The following CHPT1 variants were observed in gnomAD, a reference collection of about 807,000 sequenced individuals.
CHPT1 encodes the protein cholinephosphotransferase 1.
A neutral mutation model predicts 47.6 loss-of-function variants in CHPT1; 36 were observed. The observed-to-expected ratio is 0.76, with a 90% CI of 0.58 to 1.00. CHPT1 has a LOEUF of 1.00. CHPT1 is among the 50% of genes least tolerant of loss of function. CHPT1 has a pLI of 0.00. For synonymous variants in CHPT1, 194 were observed against 186.3 expected (o/e 1.04, Z -0.33); for missense variants, 458 against 498.1 (o/e 0.92, Z 0.77).
At chr12:101,718,520 C>T (rs533051352) in intron 4 of CHPT1, among the ~76,000 whole-genome samples, 36 of 152,010 alleles carry the variant, frequency 2.4e-4, no homozygotes, top group Non-Finnish European at 4.6e-4. Flanking sequence ...TTTAGCCAGG[C>T]ATGGTGGCAT....
chr12:101,701,769 CAG>C (rs1210682322), intron 1 of CHPT1, among the ~76,000 whole-genome samples: 1 of 152,044 alleles, frequency 6.6e-6, no homozygotes, highest in Non-Finnish European at 1.5e-5. Context: ...TTGCATCAAA[CAG>C]ATGCAATTAT....
At chr12:101,722,136 T>C (rs1162115416) in intron 5 of CHPT1, among the ~76,000 whole-genome samples, 1 of 152,148 alleles carries the variant, frequency 6.6e-6, no homozygotes, top group African/African-American at 2.4e-5. Flanking sequence ...TAGGAAGTGG[T>C]TGGTTTCAAA....
intron 1 of CHPT1, among the ~76,000 whole-genome samples, chr12:101,709,003 A>G (rs1353261589): frequency 6.7e-6 from 1 of 149,060 alleles, no homozygotes; most frequent in African/African-American, 2.4e-5. Context: ...TCATAATCCA[A>G]GGGTGGCTTT....
rs1301760575 is a variant in CHPT1, at chr12:101,708,657, G to GAA, written c.274-5432_274-5431insAA. 6.5e-5 allele frequency among the ~76,000 whole-genome samples: 8 copies of GAA among 123,596 alleles called. 2 individuals are homozygous for GAA. The highest frequency in any genetic ancestry group is 2.5e-4 in the East Asian group (1 of 3,964). 81.1% of individuals were successfully genotyped at this position (123,596 alleles called of 152,430 possible). On this transcript the variant is annotated intron_variant, in intron 1 of 8. Transcript: ENST00000229266. ...GGGTCTCACTCTGTTGCCCCAGCTGGAGTGCAGTGGCTCACTTCAACCTCT... is the reference window on the plus strand; with the variant it reads ...GGGTCTCACTCTGTTGCCCCAGCTGGAAAGTGCAGTGGCTCACTTCAACCTCT...
intron 3 of CHPT1, among the ~76,000 whole-genome samples, chr12:101,716,402 T>G (rs944971219): frequency 1.2e-4 from 18 of 152,214 alleles, no homozygotes; most frequent in Non-Finnish European, 4.4e-5. Flanking sequence ...GGGTAATTAT[T>G]GTGAAAAAAC....
At chr12:101,718,308 A>G (rs1951794203) in intron 4 of CHPT1, among the ~76,000 whole-genome samples, 2 of 152,286 alleles carry the variant, frequency 1.3e-5, no homozygotes, top group South Asian at 4.2e-4. Flanking sequence ...TAGGTTCACC[A>G]GTTGTAACAA....
In CHPT1 at chr12:101,725,061, T is replaced by G. The variant is rs77265154; in HGVS notation, c.1065+1214T>G. On this transcript the variant is annotated intron_variant, in intron 7 of 8. Coordinates refer to ENST00000229266, the MANE Select transcript of CHPT1 (RefSeq NM_020244.3). ...CCCCAAAACCCTGCAGTGAATCTTTTGATAATTCAAATAATCTCACCGTAT... is the reference window on the plus strand; with the variant it reads ...CCCCAAAACCCTGCAGTGAATCTTTGGATAATTCAAATAATCTCACCGTAT... 9.8e-3 allele frequency among the ~76,000 whole-genome samples: 1,493 copies of G among 152,286 alleles called. 24 individuals are homozygous for G. Among genetic ancestry groups the G allele is most frequent in the African/African-American group, 0.034 (1,433 of 41,572 alleles).
chr12:101,716,869 T>A, intron 4 of CHPT1, 57 bp downstream of exon 4: 1 of 1,064,840 alleles, frequency 9.4e-7, no homozygotes. Context: ...TAGGAAAAAG[T>A]ATTGCATTGT....
At chr12:101,703,166 C>G (rs909913168) in intron 1 of CHPT1, among the ~76,000 whole-genome samples, 2 of 152,100 alleles carry the variant, frequency 1.3e-5, no homozygotes, top group Admixed American at 1.3e-4. Context: ...ACAACCAGAC[C>G]ACTTGGGTTT....
intron 5 of CHPT1, among the ~76,000 whole-genome samples, chr12:101,721,511 T>G (rs79513177): frequency 0.032 from 4,906 of 152,290 alleles, 111 homozygotes; most frequent in Non-Finnish European, 0.049. Flanking sequence ...TCCTCATAAT[T>G]GACAAATTGT....
Position 101,714,531 on chromosome 12 carries a change from C to A in CHPT1, c.449C>A (p.Ala150Asp), listed in dbSNP as rs1344081211. The change falls in exon 3 of 9, where the codon GCC (alanine) becomes GAC (aspartate). Residue 150 changes from alanine (A) to aspartate (D), a missense_variant. By Grantham distance (126) the Ala-to-Asp change is moderately radical (BLOSUM62 -2). Transcript: ENST00000229266. ...TTTATGGCAGTGGGAGCTTCAATTG[C>A]CGCTCGCTTAGGAACTTATCCTGAC... Reference protein sequence around the residue: ...TVFMAVGASIAARLGTYPDWF... With the variant: ...TVFMAVGASIDARLGTYPDWF... 1.9e-6 allele frequency: 3 copies of A among 1,606,788 alleles called. No individual in the cohort carries two copies. Among genetic ancestry groups the A allele is most frequent in the Non-Finnish European group, 1.7e-6 (2 of 1,177,750 alleles).
At chr12:101,724,886 AT>A (rs1159037524) in intron 7 of CHPT1, among the ~76,000 whole-genome samples, 2 of 151,930 alleles carry the variant, frequency 1.3e-5, no homozygotes, top group African/African-American at 4.8e-5. Flanking sequence ...GCATTATTAC[AT>A]TTTTTTTCTA....
intron 1 of CHPT1, among the ~76,000 whole-genome samples, chr12:101,701,382 ATAAC>A (rs1951552483): frequency 6.6e-6 from 1 of 152,196 alleles, no homozygotes; most frequent in Non-Finnish European, 1.5e-5. Context: ...GATAATGACA[ATAAC>A]TAACTTTTAC....
At position 101,726,580 on chromosome 12, in the gene CHPT1, GC is replaced by G. The variant is rs754411814; in HGVS notation, c.1176+181del. On this transcript the variant is annotated intron_variant, in intron 8 of 8. Transcript: ENST00000229266. ...CATTGTGTCTTATTTCAGTTATGAAGCCCCCATTGTATCATCATTTTTTATC... is the reference window on the plus strand; with the variant it reads ...CATTGTGTCTTATTTCAGTTATGAAGCCCCATTGTATCATCATTTTTTATC... 7.2e-5 allele frequency: 67 copies of G among 928,374 alleles called. No homozygotes were observed. In the Middle Eastern group the frequency reaches 1.2e-3, roughly 17 times the overall value. 57.5% of individuals were successfully genotyped at this position (928,374 alleles called of 1,614,324 possible).
intron 8 of CHPT1, chr12:101,728,389 A>G (rs550643904): frequency 6.5e-6 from 1 of 153,840 alleles, no homozygotes; most frequent in African/African-American, 2.4e-5. Flanking sequence ...TCACAAATCC[A>G]TGTCTTAAAA....
chr12:101,700,941 CAGAA>C (rs895287307), intron 1 of CHPT1, among the ~76,000 whole-genome samples: 2 of 152,040 alleles, frequency 1.3e-5, no homozygotes, highest in Non-Finnish European at 2.9e-5. Context: ...AGATTGCTTC[CAGAA>C]AGAGTCAGCA....
rs118156520 is a variant in CHPT1, at chr12:101,707,949, C to T, written c.274-6141C>T. Among the ~76,000 whole-genome samples the T allele has an allele frequency of 5.3e-4, 80 of 152,294 alleles. 2 individuals are homozygous for T. In the East Asian group the frequency reaches 0.014, roughly 27 times the overall value. On this transcript the variant is annotated intron_variant, in intron 1 of 8. Transcript: ENST00000229266. Reference sequence around the variant, plus strand: ...TTTTCCAGAGAATGCAGAGAGCATACAGGATTTTGTCAGAGGTGCAGTTCA... The same window carrying T: ...TTTTCCAGAGAATGCAGAGAGCATATAGGATTTTGTCAGAGGTGCAGTTCA...
chr12:101,698,267 C>T, intron 1 of CHPT1, 133 bp downstream of exon 1: 1 of 1,284,886 alleles, frequency 7.8e-7, no homozygotes, highest in Non-Finnish European at 9.9e-7. Flanking sequence ...GGCCACTGCC[C>T]CGGGCGGTGT....
intron 1 of CHPT1, among the ~76,000 whole-genome samples, chr12:101,698,898 T>C (rs765578230): frequency 5.3e-5 from 8 of 152,222 alleles, no homozygotes; most frequent in Non-Finnish European, 1.0e-4. Flanking sequence ...CTCCCATCTA[T>C]AGTTTATACT....
Sources: gnomAD v4.1 joint callset for allele counts (sites outside exome capture counted in the v4.1 genomes callset) on GRCh38, gnomAD v4.1.1 for gene constraint, MANE v1.5 for transcripts, NCBI Gene and HGNC (gene_info 2026-07-23, HGNC 2026-07-21) for gene names.